The following FRAS1 variants were observed in gnomAD, a reference collection of about 807,000 sequenced individuals.
FRAS1 encodes the protein extracellular matrix organizing protein FRAS1.
Under a neutral mutation model 435.2 loss-of-function variants are expected in FRAS1, and 290 were observed. That is an observed-to-expected ratio of 0.67 (90% CI 0.61 to 0.73). FRAS1 has a LOEUF of 0.73. Ranked by LOEUF, FRAS1 falls within the 30% of genes least tolerant of loss-of-function variation. FRAS1 has a pLI of 0.00. For missense variants in FRAS1, 4,860 were observed against 5,001.5 expected, an observed-to-expected ratio of 0.97 and a Z score of 0.85; for synonymous variants, 1,800 against 1,851.0, an observed-to-expected ratio of 0.97 and a Z score of 0.71.
chr4:78,186,029 A>C (rs942468448), intron 2 of FRAS1, among the ~76,000 whole-genome samples: 1 of 152,206 alleles, frequency 6.6e-6, no homozygotes, highest in Non-Finnish European at 1.5e-5. Flanking sequence ...CACAGTTGTC[A>C]TGGGAAAAGT....
chr4:78,467,128 T>C (rs946767971), intron 50 of FRAS1, among the ~76,000 whole-genome samples: 1 of 152,200 alleles, frequency 6.6e-6, no homozygotes, highest in Non-Finnish European at 1.5e-5. Context: ...ACAATTAAAT[T>C]ATTTTTGACA....
At chr4:78,104,529 TA>T (rs1451981023) in intron 2 of FRAS1, among the ~76,000 whole-genome samples, 3 of 152,246 alleles carry the variant, frequency 2.0e-5, no homozygotes, top group Non-Finnish European at 4.4e-5. Flanking sequence ...CTGATCTCAC[TA>T]GCAAGATTAA....
intron 59 of FRAS1, among the ~76,000 whole-genome samples, chr4:78,489,645 C>A (rs996175309): frequency 6.6e-6 from 1 of 152,162 alleles, no homozygotes; most frequent in Non-Finnish European, 1.5e-5. Flanking sequence ...CACTTACAAT[C>A]AAATACACAT....
chr4:78,066,995 T>C (rs2109851132), intron 2 of FRAS1, among the ~76,000 whole-genome samples: 1 of 152,344 alleles, frequency 6.6e-6, no homozygotes, highest in East Asian at 1.9e-4. Flanking sequence ...TTATTGTATT[T>C]GTCATTCCAT....
intron 2 of FRAS1, among the ~76,000 whole-genome samples, chr4:78,088,082 A>G (rs1233992636): frequency 1.1e-4 from 16 of 152,212 alleles, no homozygotes; most frequent in Admixed American, 9.2e-4. Flanking sequence ...AAACAGAGAT[A>G]TAGACCAATG....
chr4:78,084,772 C>A (rs963070919), intron 2 of FRAS1, among the ~76,000 whole-genome samples: 3 of 152,036 alleles, frequency 2.0e-5, no homozygotes, highest in African/African-American at 7.2e-5. Context: ...TATTTGGAGA[C>A]CAAAATCTAG....
chr4:78,181,708 AG>A, intron 2 of FRAS1: 1 of 1,609,988 alleles, frequency 6.2e-7, no homozygotes, highest in South Asian at 1.1e-5. Context: ...GTTGTTGATC[AG>A]GTCTTCTTCC....
intron 61 of FRAS1, among the ~76,000 whole-genome samples, chr4:78,502,224 A>G (rs899771587): frequency 1.3e-5 from 2 of 152,134 alleles, no homozygotes; most frequent in Admixed American, 1.3e-4. Context: ...TCCATATGAA[A>G]TTTAAAGTAG....
intron 60 of FRAS1, among the ~76,000 whole-genome samples, chr4:78,497,632 T>C (rs1351790488): frequency 6.6e-6 from 1 of 152,224 alleles, no homozygotes; most frequent in Non-Finnish European, 1.5e-5. Context: ...TTCTTGAGGT[T>C]GGTGCTATTA....
chr4:78,112,597 A>G (rs1742806645), intron 2 of FRAS1, among the ~76,000 whole-genome samples: 1 of 152,122 alleles, frequency 6.6e-6, no homozygotes, highest in Non-Finnish European at 1.5e-5. Flanking sequence ...GATTAGTACT[A>G]TGTAAGTAGT....
chr4:78,229,931 T>G (rs1288209404), intron 2 of FRAS1, among the ~76,000 whole-genome samples: 1 of 152,208 alleles, frequency 6.6e-6, no homozygotes, highest in East Asian at 1.9e-4. Flanking sequence ...TCCCTTTCTT[T>G]CCGTCTCCCT....
chr4:78,120,754 A>G (rs779487263), intron 2 of FRAS1, among the ~76,000 whole-genome samples: 8 of 152,034 alleles, frequency 5.3e-5, no homozygotes, highest in Non-Finnish European at 7.3e-5. Context: ...CGTGAATCAT[A>G]GAGTCTTAGG....
intron 2 of FRAS1, among the ~76,000 whole-genome samples, chr4:78,214,353 A>G (rs1723652195): frequency 6.6e-6 from 1 of 152,248 alleles, no homozygotes; most frequent in African/African-American, 2.4e-5. Context: ...GTTTTGCCAC[A>G]TGCACATTTA....
chr4:78,126,676 CTT>C (rs1477554834), intron 2 of FRAS1, among the ~76,000 whole-genome samples: 3 of 152,138 alleles, frequency 2.0e-5, no homozygotes, highest in Non-Finnish European at 2.9e-5. Context: ...TCATTCTAAT[CTT>C]TTGTTTTATT....
intron 27 of FRAS1, among the ~76,000 whole-genome samples, chr4:78,382,650 C>A (rs539014865): frequency 5.3e-5 from 8 of 152,126 alleles, no homozygotes; most frequent in Admixed American, 2.0e-4. Flanking sequence ...AAAGCAATCA[C>A]GTTTATTGAG....
At chr4:78,501,479 C>T (rs1438567190) in intron 61 of FRAS1, among the ~76,000 whole-genome samples, 1 of 152,134 alleles carries the variant, frequency 6.6e-6, no homozygotes, top group African/African-American at 2.4e-5. Flanking sequence ...TGGGCATCTA[C>T]CCAGTAATGA....
At chr4:78,509,900 C>T (rs1459748201) in intron 63 of FRAS1, among the ~76,000 whole-genome samples, 2 of 152,182 alleles carry the variant, frequency 1.3e-5, no homozygotes, top group Non-Finnish European at 2.9e-5. Flanking sequence ...CCAAATTTCT[C>T]TAGATTTTCC....
chr4:78,208,824 T>A (rs1328002926), intron 2 of FRAS1, among the ~76,000 whole-genome samples: 1 of 152,114 alleles, frequency 6.6e-6, no homozygotes, highest in African/African-American at 2.4e-5. Flanking sequence ...TCCATAACTT[T>A]TCCTAAGTTC....
At chr4:78,411,775 G>A (rs925242716) in intron 31 of FRAS1, among the ~76,000 whole-genome samples, 5 of 151,848 alleles carry the variant, frequency 3.3e-5, no homozygotes, top group East Asian at 1.9e-4. Context: ...AATATATTCC[G>A]CCACCGCACC....
Sources: gnomAD v4.1 joint callset for allele counts (sites outside exome capture counted in the v4.1 genomes callset) on GRCh38, gnomAD v4.1.1 for gene constraint, MANE v1.5 for transcripts, NCBI Gene and HGNC (gene_info 2026-07-23, HGNC 2026-07-21) for gene names.